UBE2G1: variants seen among roughly 807,000 people sequenced by gnomAD.
UBE2G1 encodes ubiquitin-conjugating enzyme E2 G1.
A neutral mutation model predicts 22.7 loss-of-function variants in UBE2G1; 5 were observed. The observed-to-expected ratio is 0.22, with a 90% CI of 0.12 to 0.46. The LOEUF is 0.46. Ranked by LOEUF, UBE2G1 falls within the 20% of genes least tolerant of loss-of-function variation. The pLI is 0.99. For synonymous variants in UBE2G1, 74 were observed against 67.5 expected (o/e 1.10, Z -0.47); for missense variants, 88 against 203.9 (o/e 0.43, Z 3.46).
chr17:4,366,242 G>A, intron 1 of UBE2G1, 29 bp downstream of exon 1: 1 of 1,524,686 alleles, frequency 6.6e-7, no homozygotes, highest in Admixed American at 2.0e-5. Context: ...TCGCGGCCGG[G>A]CCCGGCGCCC....
chr17:4,339,898 G>A (rs1048591342), intron 1 of UBE2G1, among the ~76,000 whole-genome samples: 4 of 151,034 alleles, frequency 2.6e-5, no homozygotes, highest in African/African-American at 7.3e-5. Context: ...ACAATAAAAC[G>A]TATTCCTTCT....
intron 1 of UBE2G1, among the ~76,000 whole-genome samples, chr17:4,341,028 C>T (rs1969706653): frequency 1.4e-5 from 2 of 145,904 alleles, no homozygotes; most frequent in South Asian, 4.3e-4. Flanking sequence ...GTGAGTAGCA[C>T]CTTTGGTGCC....
chr17:4,315,621 T>A (rs1334309023), intron 1 of UBE2G1, among the ~76,000 whole-genome samples: 1 of 149,970 alleles, frequency 6.7e-6, no homozygotes, highest in African/African-American at 2.5e-5. Flanking sequence ...GCGCCTGTAG[T>A]CCCAGCTACT....
intron 1 of UBE2G1, among the ~76,000 whole-genome samples, chr17:4,354,574 G>C (rs958245576): frequency 2.0e-5 from 3 of 152,084 alleles, no homozygotes; most frequent in African/African-American, 2.4e-5. Context: ...AGTTTTATCA[G>C]AAAATAAAAC....
At chr17:4,273,764 A>G (rs1301709824) in intron 5 of UBE2G1, among the ~76,000 whole-genome samples, 1 of 152,206 alleles carries the variant, frequency 6.6e-6, no homozygotes, top group African/African-American at 2.4e-5. Context: ...AACACCTATT[A>G]GGACTGCATC....
intron 3 of UBE2G1, among the ~76,000 whole-genome samples, 153 bp downstream of exon 3, chr17:4,296,564 T>A (rs904887161): frequency 1.3e-5 from 2 of 152,128 alleles, no homozygotes; most frequent in African/African-American, 4.8e-5. Context: ...TCTCCTCCTT[T>A]TAAAGGTTTT....
chr17:4,355,323 G>A (rs1458007627), intron 1 of UBE2G1, among the ~76,000 whole-genome samples: 6 of 150,466 alleles, frequency 4.0e-5, no homozygotes, highest in African/African-American at 7.3e-5. Flanking sequence ...CACTAAGCCC[G>A]GCCTGCCAGA....
At chr17:4,292,178 T>C (rs1388334394) in intron 3 of UBE2G1, among the ~76,000 whole-genome samples, 1 of 151,740 alleles carries the variant, frequency 6.6e-6, no homozygotes, top group Non-Finnish European at 1.5e-5. Flanking sequence ...ATACAAGAAT[T>C]AGCCGGGCTT....
At chr17:4,316,560 C>A (rs987317769) in intron 1 of UBE2G1, among the ~76,000 whole-genome samples, 5 of 152,112 alleles carry the variant, frequency 3.3e-5, no homozygotes, top group African/African-American at 1.2e-4. Context: ...AGGTGTATTT[C>A]CTCTTTAGAT....
chr17:4,340,453 A>G (rs999002526), intron 1 of UBE2G1, among the ~76,000 whole-genome samples: 1 of 152,046 alleles, frequency 6.6e-6, no homozygotes. Flanking sequence ...TAAAACTACA[A>G]TTACATGTTG....
At chr17:4,306,874 A>T in intron 2 of UBE2G1, 147 bp downstream of exon 2, 1 of 549,768 alleles carries the variant, frequency 1.8e-6, no homozygotes, top group Admixed American at 3.2e-5. Flanking sequence ...CTGGTCTCGA[A>T]CTCCTGACCT....
At chr17:4,321,277 A>C (rs1037749699) in intron 1 of UBE2G1, among the ~76,000 whole-genome samples, 14 of 152,022 alleles carry the variant, frequency 9.2e-5, no homozygotes, top group Non-Finnish European at 1.9e-4. Flanking sequence ...CAAAATGTTT[A>C]CTTCAATGTA....
chr17:4,315,143 T>C (rs1332902377), intron 1 of UBE2G1, among the ~76,000 whole-genome samples: 6 of 152,198 alleles, frequency 3.9e-5, no homozygotes, highest in African/African-American at 1.4e-4. Flanking sequence ...TCACAGTCAT[T>C]AGGGAGAGGG....
intron 2 of UBE2G1, chr17:4,301,809 G>A (rs73972425): frequency 0.014 from 7,670 of 555,618 alleles, 521 homozygotes; most frequent in African/African-American, 0.13. Context: ...CTGGTGTCTG[G>A]ACTCCAACAA....
intron 1 of UBE2G1, among the ~76,000 whole-genome samples, chr17:4,339,456 G>A (rs1969686325): frequency 6.6e-6 from 1 of 151,792 alleles, no homozygotes; most frequent in South Asian, 2.1e-4. Flanking sequence ...AGGCACCCAC[G>A]ACCACGATCG....
chr17:4,286,906 G>C (rs552650874), intron 4 of UBE2G1, among the ~76,000 whole-genome samples: 4 of 152,082 alleles, frequency 2.6e-5, no homozygotes, highest in Non-Finnish European at 5.9e-5. Flanking sequence ...ATTGCTGGGC[G>C]TGGTTCCGCA....
At chr17:4,342,028 C>T (rs955903291) in intron 1 of UBE2G1, among the ~76,000 whole-genome samples, 11 of 152,138 alleles carry the variant, frequency 7.2e-5, no homozygotes, top group African/African-American at 2.7e-4. Flanking sequence ...CTTATTGAGC[C>T]CATCCAACTT....
At chr17:4,273,280 A>T (rs546012873) in intron 5 of UBE2G1, among the ~76,000 whole-genome samples, 1 of 152,374 alleles carries the variant, frequency 6.6e-6, no homozygotes, top group Non-Finnish European at 1.5e-5. Context: ...AAGCTGAGAC[A>T]AGTTCACATA....
Position 4,361,874 on chromosome 17 carries a change from G to A in UBE2G1, c.46+4397C>T, listed in dbSNP as rs572355775. On this transcript the variant is annotated intron_variant, in intron 1 of 5. Transcript: ENST00000396981. ...CAAGAAACGCTTGAACCCGCGAGGC[G>A]GAGGTTGCACTTAGCGGAGATCGTG... Among the ~76,000 whole-genome samples the A allele has an allele frequency of 2.1e-3, 324 of 151,392 alleles. 1 individual carries two copies. Among genetic ancestry groups the A allele is most frequent in the African/African-American group, 7.3e-3 (300 of 41,190 alleles).
Sources: allele counts gnomAD v4.1 joint callset (sites outside exome capture counted in the v4.1 genomes callset), GRCh38; gene constraint gnomAD v4.1.1; transcripts MANE v1.5; gene names NCBI Gene and HGNC (gene_info 2026-07-23, HGNC 2026-07-21).